Variants in FAM237A observed in about 807,000 individuals in gnomAD.
The protein encoded by FAM237A is family with sequence similarity 237 member A.
Under a neutral mutation model 12.5 loss-of-function variants are expected in FAM237A, and 14 were observed. The observed-to-expected ratio is 1.12, with a 90% CI of 0.74 to 1.75. FAM237A has a LOEUF of 1.75. Ranked by LOEUF, FAM237A falls within the 40% of genes most tolerant of loss-of-function variation. FAM237A has a pLI of 0.00. For synonymous variants in FAM237A, 85 were observed against 77.5 expected (o/e 1.10, Z -0.51); for missense variants, 240 against 211.7 (o/e 1.13, Z -0.83).
At chr2:206,643,019 G>C (rs572838853) in intron 1 of FAM237A, among the ~76,000 whole-genome samples, 2 of 152,302 alleles carry the variant, frequency 1.3e-5, no homozygotes, top group African/African-American at 4.8e-5. Context: ...GAATAATCTT[G>C]TATCTCTAAC....
chr2:206,648,634 T>C (rs747267851), intron 2 of FAM237A, 27 bp from the exon 3 acceptor site: 34 of 1,570,712 alleles, frequency 2.2e-5, no homozygotes, highest in Non-Finnish European at 2.9e-5. Context: ...TTGGTGATCT[T>C]ATGAAGTTCC....
intron 2 of FAM237A, among the ~76,000 whole-genome samples, chr2:206,646,433 T>C (rs1341133771): frequency 6.6e-6 from 1 of 152,212 alleles, no homozygotes; most frequent in African/African-American, 2.4e-5. Context: ...TCTATTCAGC[T>C]GAACACAAAA....
rs1278688469 is a variant in FAM237A at position 206,648,857 on chromosome 2, A to G, written c.*63A>G. 2 of 1,228,870 alleles carry G rather than the reference A, an allele frequency of 1.6e-6. No individual in the cohort carries two copies. Among genetic ancestry groups the G allele is most frequent in the Non-Finnish European group, 2.1e-6 (2 of 934,870 alleles). 76.1% of individuals were successfully genotyped at this position (1,228,870 alleles called of 1,614,324 possible). A position where few individuals can be genotyped will look rare whatever the true frequency, so the allele number is the denominator to read the frequency against. ...ATACATATATATAACATTTTTCTTA[A>G]CTATTGATTATTTATTTATTTTAAA... On this transcript the variant is annotated 3_prime_UTR_variant, in exon 3 of 3. Coordinates refer to ENST00000441223, the MANE Select transcript of FAM237A (RefSeq NM_001102659.3).
At chr2:206,647,462 G>A (rs1699330715) in intron 2 of FAM237A, among the ~76,000 whole-genome samples, 1 of 152,138 alleles carries the variant, frequency 6.6e-6, no homozygotes, top group African/African-American at 2.4e-5. Context: ...TATGAGAAAA[G>A]CCTCTAAAGA....
chr2:206,648,784 A>G lies in FAM237A; in HGVS notation c.536A>G (p.Lys179Arg). The G allele has an allele frequency of 6.5e-7, 1 of 1,534,852 alleles. No individual in the cohort carries two copies. The highest frequency in any genetic ancestry group is 1.3e-5 in the South Asian group (1 of 79,720). The change falls in exon 3 of 3, where the codon AAG (lysine) becomes AGG (arginine). Residue 179 changes from lysine (K) to arginine (R), a missense_variant. Coordinates refer to ENST00000441223, the MANE Select transcript of FAM237A (RefSeq NM_001102659.3). ...SVIGKVNLEI[K>R]RK Reference sequence around the variant, plus strand: ...ATTGGAAAAGTGAACCTGGAAATAAAGAGAAAATAAATTGAACTCGGAGCT... The same window carrying G: ...ATTGGAAAAGTGAACCTGGAAATAAGGAGAAAATAAATTGAACTCGGAGCT...
At chr2:206,644,192 C>A in intron 1 of FAM237A, 35 bp from the exon 2 acceptor site, 1 of 1,521,498 alleles carries the variant, frequency 6.6e-7, no homozygotes, top group Non-Finnish European at 8.8e-7. Context: ...AGAGCACAAG[C>A]GGGGACTGAT....
At position 206,648,662 on chromosome 2, in the gene FAM237A, TA is replaced by T; in HGVS notation, c.415del (p.Thr139HisfsTer6). On this transcript the variant is annotated frameshift_variant and splice_region_variant, in exon 3 of 3. Coordinates refer to ENST00000441223, the MANE Select transcript of FAM237A (RefSeq NM_001102659.3). LOFTEE classifies it high-confidence loss of function. ...QPQHTRSKQG[T>X]YSQLLRTSFL... ...GAAGTTCCGCTTTTCTACTTTCAGG[TA>T]CATATTCTCAGCTCCTAAGGACCTC... 1.3e-6 allele frequency: 2 copies of T among 1,586,970 alleles called. No individual in the cohort carries two copies. Among genetic ancestry groups the T allele is most frequent in the South Asian group, 2.3e-5 (2 of 85,730 alleles).
Position 206,646,675 on chromosome 2 carries a change from G to C in FAM237A, c.413-1986G>C, listed in dbSNP as rs188892632. ...ACCAAGAAACAAGACTTTCCATTTGGTTTGTATAACCACAGTCAAAGAGGG... is the reference window on the plus strand; with the variant it reads ...ACCAAGAAACAAGACTTTCCATTTGCTTTGTATAACCACAGTCAAAGAGGG... On this transcript the variant is annotated intron_variant, in intron 2 of 2. Transcript: ENST00000441223. 8.5e-4 allele frequency among the ~76,000 whole-genome samples: 130 copies of C among 152,274 alleles called. 1 individual carries two copies. Among genetic ancestry groups the C allele is most frequent in the African/African-American group, 3.0e-3 (125 of 41,530 alleles).
chr2:206,648,770 G>A lies in FAM237A; in HGVS notation c.522G>A (p.Val174=), dbSNP rs1290940985. The change falls in exon 3 of 3, where the codon GTG becomes GTA. Residue 174 remains valine, a synonymous_variant. Coordinates refer to ENST00000441223, the MANE Select transcript of FAM237A (RefSeq NM_001102659.3). ...GTGGGTCTAGTGTCATTGGAAAAGT[G>A]AACCTGGAAATAAAGAGAAAATAAA... ...RRSGSSVIGK[V]NLEIKRK 2 of 1,540,498 alleles carry A rather than the reference G, an allele frequency of 1.3e-6. No homozygotes were observed. The highest frequency in any genetic ancestry group is 1.8e-6 in the Non-Finnish European group (2 of 1,142,072).
At chr2:206,648,437 C>T (rs1162714581) in intron 2 of FAM237A, among the ~76,000 whole-genome samples, 1 of 151,948 alleles carries the variant, frequency 6.6e-6, no homozygotes, top group African/African-American at 2.4e-5. Flanking sequence ...CAAAAATGTA[C>T]TTATTATAAT....
rs758014091 is a variant in FAM237A at position 206,648,665 on chromosome 2, A to C, written c.417A>C (p.Thr139=). Reference sequence around the variant, plus strand: ...GTTCCGCTTTTCTACTTTCAGGTACATATTCTCAGCTCCTAAGGACCTCCT... The same window carrying C: ...GTTCCGCTTTTCTACTTTCAGGTACCTATTCTCAGCTCCTAAGGACCTCCT... ...QPQHTRSKQG[T]YSQLLRTSFL... Residue 139 remains threonine, a synonymous_variant, in exon 3 of 3, where the codon ACA becomes ACC. Transcript: ENST00000441223. 21 of 1,588,520 alleles carry C rather than the reference A, an allele frequency of 1.3e-5. No individual in the cohort carries two copies. Among genetic ancestry groups the C allele is most frequent in the Non-Finnish European group, 1.7e-5 (20 of 1,168,372 alleles).
rs771132622 is a variant in FAM237A, at chr2:206,644,512, G to A, written c.276G>A (p.Trp92Ter). 1 of 1,614,002 alleles carries A rather than the reference G, an allele frequency of 6.2e-7. No homozygotes were observed. Among genetic ancestry groups the A allele is most frequent in the Non-Finnish European group, 8.5e-7 (1 of 1,179,898 alleles). ...ACTTGAAGCATGGAGCACTGTTTTG[G>A]GATCTGGCCCAACTCTTCTGGGACA... is the stretch of plus-strand genomic sequence containing the variant. ...SENLKHGALFWDLAQLFWDIY... is the reference protein window; with the variant it reads ...SENLKHGALF The change falls in exon 2 of 3, where the codon TGG (tryptophan) becomes TGA (stop). Residue 92 changes from tryptophan to a stop codon, truncating the protein, a stop_gained. Coordinates refer to ENST00000441223, the MANE Select transcript of FAM237A (RefSeq NM_001102659.3). LOFTEE classifies it high-confidence loss of function.
Position 206,644,382 on chromosome 2 carries a change from G to T in FAM237A, c.146G>T (p.Cys49Phe). The T allele has an allele frequency of 6.2e-7, 1 of 1,613,788 alleles. No individual in the cohort carries two copies. The highest frequency in any genetic ancestry group is 8.5e-7 in the Non-Finnish European group (1 of 1,179,800). The part of the protein sequence containing the change: ...LLALSQADPQ[C>F]WESSSVLLLE... The stretch of plus-strand genomic sequence containing the variant: ...GCTCTTAGCCAAGCTGATCCTCAGT[G>T]CTGGGAATCCTCCTCAGTGCTTCTC... Residue 49 changes from cysteine to phenylalanine, a missense_variant, in exon 2 of 3, where the codon TGC (cysteine) becomes TTC (phenylalanine). Physicochemically the swap from Cys to Phe is radical, Grantham distance 205. Coordinates refer to ENST00000441223, the MANE Select transcript of FAM237A (RefSeq NM_001102659.3).
chr2:206,644,373 ATCCTCAGTGCTGGGAATCC>A lies in FAM237A; in HGVS notation c.149_167del (p.Trp50PhefsTer21), dbSNP rs1184480579. 1 of 1,613,784 alleles carries A rather than the reference ATCCTCAGTGCTGGGAATCC, an allele frequency of 6.2e-7. No individual in the cohort carries two copies. The highest frequency in any genetic ancestry group is 8.5e-7 in the Non-Finnish European group (1 of 1,179,796). On this transcript the variant is annotated frameshift_variant, in exon 2 of 3. Coordinates refer to ENST00000441223, the MANE Select transcript of FAM237A (RefSeq NM_001102659.3). LOFTEE classifies it high-confidence loss of function. ...GACTTGCTGGCTCTTAGCCAAGCTG[ATCCTCAGTGCTGGGAATCC>A]TCCTCAGTGCTTCTCCTGGAAATGT... is the stretch of plus-strand genomic sequence containing the variant.
At chr2:206,647,786 ATTC>A (rs776827534) in intron 2 of FAM237A, among the ~76,000 whole-genome samples, 59 of 152,186 alleles carry the variant, frequency 3.9e-4, no homozygotes, top group Non-Finnish European at 7.8e-4. Context: ...TTTGAAGTAC[ATTC>A]TTCTTTGTGT....
intron 2 of FAM237A, among the ~76,000 whole-genome samples, chr2:206,647,399 A>G (rs967432139): frequency 1.3e-5 from 2 of 152,190 alleles, no homozygotes; most frequent in Admixed American, 1.3e-4. Flanking sequence ...TGTTTGTAAC[A>G]GTGATTAGCA....
At chr2:206,646,168 T>C in intron 2 of FAM237A, among the ~76,000 whole-genome samples, 1 of 152,032 alleles carries the variant, frequency 6.6e-6, no homozygotes, top group Non-Finnish European at 1.5e-5. Context: ...CCGGATGTGG[T>C]GGCGGGCACC....
intron 2 of FAM237A, among the ~76,000 whole-genome samples, chr2:206,646,910 A>G (rs977669643): frequency 6.6e-6 from 1 of 152,192 alleles, no homozygotes; most frequent in Non-Finnish European, 1.5e-5. Context: ...GCTTGTCTCC[A>G]TAGTTCTCAA....
At position 206,642,768 on chromosome 2, in the gene FAM237A, G is replaced by A. The variant is rs904146969; in HGVS notation, c.-11+186G>A. ...TCTGGGAAGCCTCTCCTAAAATTTA[G>A]AAGGGGACCTAAAGGAGCCAATTTG... On this transcript the variant is annotated intron_variant, in intron 1 of 2. Transcript: ENST00000441223. The surrounding 1 kb of genome is among the most constrained non-coding windows in gnomAD (Gnocchi z 5.1). 2.6e-5 allele frequency among the ~76,000 whole-genome samples: 4 copies of A among 152,226 alleles called. No individual in the cohort carries two copies. The highest frequency in any genetic ancestry group is 4.4e-5 in the Non-Finnish European group (3 of 68,040).
Sources: gnomAD v4.1 joint callset for allele counts (sites outside exome capture counted in the v4.1 genomes callset) on GRCh38, gnomAD v4.1.1 for gene constraint, Gnocchi (gnomAD v3.1) non-coding constraint, MANE v1.5 for transcripts, NCBI Gene and HGNC (gene_info 2026-07-23, HGNC 2026-07-21) for gene names.